DDX10: variants seen among roughly 807,000 people sequenced by gnomAD.
The protein encoded by DDX10 is DEAD-box helicase 10, also known as probable ATP-dependent RNA helicase DDX10.
DDX10 carries 74 observed loss-of-function variants against 104.3 expected under a neutral mutation model. The ratio of observed to expected loss-of-function variants is 0.71; its 90% CI spans 0.59 to 0.86. The LOEUF (loss-of-function observed/expected upper bound fraction) is 0.86. Ranked by LOEUF, DDX10 falls within the 40% of genes least tolerant of loss-of-function variation. The probability of loss-of-function intolerance (pLI) is 0.00; values close to 1 mark genes in which losing one functional copy is unlikely to be tolerated. For synonymous variants in DDX10, 351 were observed against 353.4 expected (o/e 0.99, Z 0.08); for missense variants, 952 against 1,040.0 (o/e 0.92, Z 1.16).
intron 11 of DDX10, 53 bp from the exon 12 acceptor site, chr11:108,719,743 TA>T: frequency 8.6e-7 from 1 of 1,161,808 alleles, no homozygotes; most frequent in Non-Finnish European, 1.3e-6. Context: ...TATTTTGGTC[TA>T]AACTCATTTT....
chr11:108,706,192 A>C (rs2094275603), intron 9 of DDX10, among the ~76,000 whole-genome samples: 1 of 152,068 alleles, frequency 6.6e-6, no homozygotes, highest in African/African-American at 2.4e-5. Context: ...CACTGATCTC[A>C]AACTCCTGAC....
intron 16 of DDX10, among the ~76,000 whole-genome samples, chr11:108,892,012 G>T (rs1863382883): frequency 6.6e-6 from 1 of 152,130 alleles, no homozygotes; most frequent in Non-Finnish European, 1.5e-5. Flanking sequence ...GCCTGCACAT[G>T]GATCTGGGAA....
chr11:108,912,323 C>CAA (rs750064116), intron 16 of DDX10, among the ~76,000 whole-genome samples: 33 of 152,142 alleles, frequency 2.2e-4, no homozygotes, highest in Non-Finnish European at 2.8e-4. Context: ...AAGAGGGGTA[C>CAA]AAACATTGTG....
intron 13 of DDX10, among the ~76,000 whole-genome samples, chr11:108,759,290 A>G (rs2094347970): frequency 6.6e-6 from 1 of 152,062 alleles, no homozygotes; most frequent in South Asian, 2.1e-4. Flanking sequence ...GACCAAAACA[A>G]AATAACAAAG....
intron 16 of DDX10, among the ~76,000 whole-genome samples, chr11:108,897,686 G>A (rs1863459169): frequency 6.6e-6 from 1 of 151,490 alleles, no homozygotes; most frequent in Non-Finnish European, 1.5e-5. Flanking sequence ...TCTGATTTCT[G>A]CTTTTTTTTT....
intron 13 of DDX10, among the ~76,000 whole-genome samples, chr11:108,806,163 A>G (rs1862097383): frequency 6.6e-6 from 1 of 152,022 alleles, no homozygotes; most frequent in African/African-American, 2.4e-5. Context: ...GGGTCTCTCC[A>G]TGTTGGCTAG....
chr11:108,776,331 G>A (rs1432895655), intron 13 of DDX10, among the ~76,000 whole-genome samples: 2 of 152,134 alleles, frequency 1.3e-5, no homozygotes, highest in African/African-American at 2.4e-5. Context: ...CCAAGAATTT[G>A]TGGAGGATTA....
intron 16 of DDX10, among the ~76,000 whole-genome samples, chr11:108,886,986 C>CT (rs1863304104): frequency 6.6e-6 from 1 of 152,126 alleles, no homozygotes; most frequent in Non-Finnish European, 1.5e-5. Flanking sequence ...TCTGGGCTGC[C>CT]TTAGTCACCA....
chr11:108,748,712 G>A (rs1038045027), intron 13 of DDX10, among the ~76,000 whole-genome samples: 4 of 151,794 alleles, frequency 2.6e-5, no homozygotes, highest in Admixed American at 2.0e-4. Flanking sequence ...GTGGAGTCTT[G>A]TGCTGTCACT....
At chr11:108,676,707 A>C (rs1267974952) in intron 3 of DDX10, among the ~76,000 whole-genome samples, 1 of 152,088 alleles carries the variant, frequency 6.6e-6, no homozygotes, top group Non-Finnish European at 1.5e-5. Context: ...TCCTCCTCCA[A>C]AGTTCTGGGA....
At chr11:108,679,598 T>C (rs2094231852) in intron 6 of DDX10, 38 bp downstream of exon 6, 2 of 1,456,164 alleles carry the variant, frequency 1.4e-6, no homozygotes, top group Non-Finnish European at 9.2e-7. Context: ...AAATGTTTTT[T>C]ACTTTTTTAG....
chr11:108,926,552 A>G (rs937024779), intron 17 of DDX10, among the ~76,000 whole-genome samples: 1 of 152,188 alleles, frequency 6.6e-6, no homozygotes, highest in Non-Finnish European at 1.5e-5. Context: ...GAGCCCATCA[A>G]TCTTTTCTTA....
intron 1 of DDX10, among the ~76,000 whole-genome samples, chr11:108,672,621 T>G (rs956899896): frequency 1.3e-5 from 2 of 152,242 alleles, no homozygotes; most frequent in Non-Finnish European, 2.9e-5. Context: ...AGTACAACTG[T>G]CATCCTTTTA....
At chr11:108,819,329 AT>A (rs752964946) in intron 13 of DDX10, among the ~76,000 whole-genome samples, 2 of 152,292 alleles carry the variant, frequency 1.3e-5, no homozygotes, top group East Asian at 3.9e-4. Context: ...AGAAAATGCA[AT>A]TTGTCTTTAC....
intron 13 of DDX10, among the ~76,000 whole-genome samples, chr11:108,774,556 T>C (rs1439228849): frequency 6.6e-6 from 1 of 152,190 alleles, no homozygotes; most frequent in Non-Finnish European, 1.5e-5. Context: ...GGTATTGTTT[T>C]TTTTTCCTTG....
chr11:108,688,999 G>C lies in DDX10; in HGVS notation c.912G>C (p.Leu304=). 6.2e-7 allele frequency: 1 copy of C among 1,613,978 alleles called. No homozygotes were observed. The highest frequency in any genetic ancestry group is 1.1e-5 in the South Asian group (1 of 91,074). The change falls in exon 7 of 18, where the codon CTG becomes CTC. Residue 304 remains leucine (L), a synonymous_variant. Coordinates refer to ENST00000322536, the MANE Select transcript of DDX10 (RefSeq NM_004398.4). ...VCELQQKISV[L]YSFLRSHLKK... is the part of the protein sequence containing the mutation. ...AGCTGCAGCAAAAAATAAGTGTGCT[G>C]TATTCCTTTTTGAGAAGCCATCTGA... is the stretch of plus-strand genomic sequence containing the variant.
chr11:108,677,664 A>G (rs1037157443), intron 4 of DDX10, among the ~76,000 whole-genome samples: 5 of 149,942 alleles, frequency 3.3e-5, no homozygotes, highest in African/African-American at 1.2e-4. Context: ...AGGTCAAGAT[A>G]AGACCTGCTG....
intron 13 of DDX10, among the ~76,000 whole-genome samples, chr11:108,788,692 G>A (rs532981622): frequency 6.6e-6 from 1 of 152,176 alleles, no homozygotes; most frequent in Admixed American, 6.5e-5. Context: ...AGTTTTCACT[G>A]GTGTTGTATA....
chr11:108,674,827 T>C (rs1370697682), intron 2 of DDX10, among the ~76,000 whole-genome samples: 1 of 152,234 alleles, frequency 6.6e-6, no homozygotes, highest in Non-Finnish European at 1.5e-5. Context: ...AATAGATCTC[T>C]TGAAGTTCTT....
Sources: gnomAD v4.1 joint callset for allele counts (sites outside exome capture counted in the v4.1 genomes callset) on GRCh38, gnomAD v4.1.1 for gene constraint, MANE v1.5 for transcripts, NCBI Gene and HGNC (gene_info 2026-07-23, HGNC 2026-07-21) for gene names.